The following SLC12A6 variants were observed in gnomAD, a reference collection of about 807,000 sequenced individuals.
SLC12A6 encodes K-Cl cotransporter 3.
In SLC12A6, 66 loss-of-function variants were observed where a neutral mutation model predicts 135.3. The observed-to-expected ratio is 0.49, with a 90% CI of 0.40 to 0.60. SLC12A6 has a LOEUF of 0.60. SLC12A6 is among the 20% of genes least tolerant of loss of function. The pLI, the probability that SLC12A6 is intolerant of heterozygous loss-of-function variation, is 0.00. For synonymous variants in SLC12A6, 513 were observed against 508.8 expected (o/e 1.01, Z -0.11); for missense variants, 1,058 against 1,452.3 (o/e 0.73, Z 4.41).
At position 34,336,687 on chromosome 15, in the gene SLC12A6, CTTTT is replaced by C. The variant is rs761204407; in HGVS notation, c.-11_-8del. 5.9e-5 allele frequency: 95 copies of C among 1,613,888 alleles called. No individual in the cohort carries two copies. The African/African-American group carries it at 1.2e-3, about 21-fold the overall frequency. On this transcript the variant is annotated 5_prime_UTR_variant, in exon 2 of 26. Transcript: ENST00000354181. Reference sequence around the variant, plus strand: ...TGGTTTCTGGAGGATGCATTTTGTTCTTTTTAAGAACAAAAAAAGTGGGGGGAAC... The same window carrying C: ...TGGTTTCTGGAGGATGCATTTTGTTCTAAGAACAAAAAAAGTGGGGGGAAC...
In SLC12A6 at chr15:34,250,968, C is replaced by T. The variant is rs771256519; in HGVS notation, c.1423G>A (p.Glu475Lys). 1.8e-5 allele frequency: 29 copies of T among 1,612,016 alleles called. No homozygotes were observed. The highest frequency in any genetic ancestry group is 2.3e-5 in the Non-Finnish European group (27 of 1,178,258). ...GTGGTGATGTCAACAAGAACATATT[C>T]ATGGTTTAAGCTGCCTAAGACATCA... ...SSDVLGSLNH[E>K]YVLVDITTSF... The change falls in exon 11 of 26, where the codon GAA becomes AAA. Residue 475 changes from glutamate to lysine, a missense_variant. Physicochemically the swap from Glu to Lys is moderately conservative, Grantham distance 56 (BLOSUM62 1). Coordinates refer to ENST00000354181, the MANE Select transcript of SLC12A6 (RefSeq NM_001365088.1).
intron 3 of SLC12A6, among the ~76,000 whole-genome samples, chr15:34,270,927 G>C (rs1216934025): frequency 6.6e-6 from 1 of 152,088 alleles, no homozygotes; most frequent in Admixed American, 6.6e-5. Flanking sequence ...ATGGTGGAAG[G>C]CCCCTCTTCA....
chr15:34,259,246 G>A (rs533263970), intron 4 of SLC12A6, among the ~76,000 whole-genome samples: 5 of 151,600 alleles, frequency 3.3e-5, no homozygotes, highest in African/African-American at 7.3e-5. Flanking sequence ...AGGCTGAGGC[G>A]GGAGAATCAG....
chr15:34,248,485 T>C (rs1309287335), intron 13 of SLC12A6, among the ~76,000 whole-genome samples: 1 of 152,080 alleles, frequency 6.6e-6, no homozygotes, highest in East Asian at 1.9e-4. Context: ...TATCATGGTG[T>C]AACTTACCAA....
Position 34,245,234 on chromosome 15 carries a change from C to T in SLC12A6, c.1943+51G>A, listed in dbSNP as rs4371122. On this transcript the variant is annotated intron_variant, in intron 15 of 25. Transcript: ENST00000354181. The stretch of plus-strand genomic sequence containing the variant: ...TATATGACTGATGGAAATAAACATG[C>T]ATTATTTATCATTTAAGCAAGAATA... The T allele has an allele frequency of 0.99, 944,235 of 952,478 alleles. 468,386 individuals carry two copies. Among genetic ancestry groups the T allele is most frequent in the East Asian group, 1 (41,944 of 41,944 alleles). The allele number at this position is 952,478 out of a possible 1,614,324, so 59.0% of individuals were successfully genotyped here. A position where few individuals can be genotyped will look rare whatever the true frequency, so the allele number is the denominator to read the frequency against.
At chr15:34,297,784 A>G (rs1296241704) in intron 2 of SLC12A6, among the ~76,000 whole-genome samples, 1 of 152,222 alleles carries the variant, frequency 6.6e-6, no homozygotes, top group African/African-American at 2.4e-5. Context: ...AAAATCTTGG[A>G]AGGCAAATAG....
rs754921680 is a variant in SLC12A6, at chr15:34,240,995, C to T, written c.2268-166G>A. Reference sequence around the variant, plus strand: ...CAGGATAAGGGCATTATTTTGAATGCTCCCAGTACTATCTCAAGTTGATCA... The same window carrying T: ...CAGGATAAGGGCATTATTTTGAATGTTCCCAGTACTATCTCAAGTTGATCA... On this transcript the variant is annotated intron_variant, in intron 18 of 25. Coordinates refer to ENST00000354181, the MANE Select transcript of SLC12A6 (RefSeq NM_001365088.1). The T allele has an allele frequency of 2.2e-5, 15 of 676,248 alleles. 1 individual carries two copies. The highest frequency in any genetic ancestry group is 3.9e-4 in the Middle Eastern group (1 of 2,580). The allele number at this position is 676,248 out of a possible 1,614,324, so 41.9% of individuals were successfully genotyped here.
chr15:34,237,233 A>T, intron 22 of SLC12A6, 186 bp downstream of exon 22: 1 of 546,362 alleles, frequency 1.8e-6, no homozygotes, highest in South Asian at 2.1e-5. Flanking sequence ...AAATAACATC[A>T]AACATGCATC....
chr15:34,291,725 A>G (rs1895545680), intron 2 of SLC12A6, among the ~76,000 whole-genome samples: 1 of 151,478 alleles, frequency 6.6e-6, no homozygotes, highest in Admixed American at 6.6e-5. Context: ...ACTTTATTTC[A>G]TTAATTTGAT....
rs1434103765 is a variant in SLC12A6, at chr15:34,236,845, A to G, written c.2935-30T>C. The G allele has an allele frequency of 2.4e-6, 3 of 1,234,846 alleles. No homozygotes were observed. In the Admixed American group the frequency reaches 5.0e-5, roughly 21 times the overall value. The allele number at this position is 1,234,846 out of a possible 1,614,324, so 76.5% of individuals were successfully genotyped here. A position where few individuals can be genotyped will look rare whatever the true frequency, so the allele number is the denominator to read the frequency against. On this transcript the variant is annotated intron_variant, in intron 22 of 25. Transcript: ENST00000354181. ...CATAGACATCACATAAAAGGGGCAAAAAGCACAAAGGAGAAAGAAGGATGA... is the reference window on the plus strand; with the variant it reads ...CATAGACATCACATAAAAGGGGCAAGAAGCACAAAGGAGAAAGAAGGATGA...
At chr15:34,273,515 G>A (rs1202500233) in intron 3 of SLC12A6, among the ~76,000 whole-genome samples, 3 of 152,162 alleles carry the variant, frequency 2.0e-5, no homozygotes, top group African/African-American at 7.2e-5. Context: ...AAAGGAATGA[G>A]GGCTATGGTC....
At chr15:34,282,074 T>TA (rs1304515641) in intron 2 of SLC12A6, among the ~76,000 whole-genome samples, 1 of 152,224 alleles carries the variant, frequency 6.6e-6, no homozygotes, top group Non-Finnish European at 1.5e-5. Flanking sequence ...TGTAGACAGT[T>TA]AACCATGAAC....
rs1891683132 is a variant in SLC12A6 at position 34,242,113 on chromosome 15, A to G, written c.2151T>C (p.Ile717=). 6.2e-7 allele frequency: 1 copy of G among 1,602,216 alleles called. No homozygotes were observed. The highest frequency in any genetic ancestry group is 1.3e-5 in the African/African-American group (1 of 74,672). ...AAATCCACACTCACCCTTGGTATTC[A>G]ATGTACTTGTAGATCATACCAGCTA... ...MVIAGMIYKY[I]EYQGAEKEWG... The change falls in exon 17 of 26, where the codon ATT becomes ATC. Residue 717 remains isoleucine, a synonymous_variant. Coordinates refer to ENST00000354181, the MANE Select transcript of SLC12A6 (RefSeq NM_001365088.1).
chr15:34,307,646 T>G (rs937543238), intron 2 of SLC12A6, among the ~76,000 whole-genome samples: 8 of 152,138 alleles, frequency 5.3e-5, no homozygotes, highest in Admixed American at 6.5e-5. Context: ...AAAGTTGGAG[T>G]AGAAGATTAG....
intron 2 of SLC12A6, among the ~76,000 whole-genome samples, chr15:34,283,172 A>C (rs1359025622): frequency 3.3e-5 from 5 of 151,990 alleles, no homozygotes; most frequent in Admixed American, 6.6e-5. Context: ...GTGAAACCCC[A>C]TCTCAACTAA....
chr15:34,237,083 T>C (rs1891316077), intron 22 of SLC12A6: 1 of 490,312 alleles, frequency 2.0e-6, no homozygotes, highest in African/African-American at 1.9e-5. Context: ...CTCTCTTTTT[T>C]ATACTGTTAG....
At chr15:34,329,257 C>G (rs752130665) in intron 2 of SLC12A6, among the ~76,000 whole-genome samples, 27 of 152,174 alleles carry the variant, frequency 1.8e-4, no homozygotes, top group Non-Finnish European at 3.7e-4. Flanking sequence ...GCTCAGGGCA[C>G]AAAGGAGTGC....
chr15:34,258,673 C>G (rs908344767), intron 5 of SLC12A6, 140 bp downstream of exon 5: 3 of 779,336 alleles, frequency 3.8e-6, no homozygotes, highest in Non-Finnish European at 6.9e-6. Context: ...TGTGCTATGA[C>G]GCTGGTGCCC....
chr15:34,243,907 T>C, intron 16 of SLC12A6, 67 bp downstream of exon 16: 2 of 952,100 alleles, frequency 2.1e-6, no homozygotes, highest in Non-Finnish European at 1.7e-6. Flanking sequence ...CAGACTCTCC[T>C]AGTTTTCTAG....
Sources: gnomAD v4.1 joint callset for allele counts (sites outside exome capture counted in the v4.1 genomes callset) on GRCh38, gnomAD v4.1.1 for gene constraint, MANE v1.5 for transcripts, NCBI Gene and HGNC (gene_info 2026-07-23, HGNC 2026-07-21) for gene names.